The following ZFHX3 variants were observed in gnomAD, a reference collection of about 807,000 sequenced individuals.
ZFHX3 encodes the protein zinc finger homeobox protein 3.
ZFHX3 carries 42 observed loss-of-function variants against 279.1 expected under a neutral mutation model. The observed-to-expected ratio is 0.15, with a 90% confidence interval of 0.12 to 0.19. ZFHX3 has a LOEUF of 0.19. Ranked by LOEUF, ZFHX3 falls within the 10% of genes least tolerant of loss-of-function variation. ZFHX3 has a pLI of 1.00. For synonymous variants in ZFHX3, 2,293 were observed against 1,957.8 expected, an observed-to-expected ratio of 1.17 and a Z score of -4.52; for missense variants, 4,981 against 4,754.0, an observed-to-expected ratio of 1.05 and a Z score of -1.40.
In ZFHX3 at chr16:73,360,490, C is replaced by T. The variant is rs149784564; in HGVS notation, c.-1290-42154G>A. Among the ~76,000 whole-genome samples the T allele has an allele frequency of 2.7e-3, 410 of 152,258 alleles. 3 individuals carry two copies. The highest frequency in any genetic ancestry group is 8.9e-3 in the African/African-American group (370 of 41,550). Reference sequence around the variant, plus strand: ...AGTAGCTGGGATTACAGGTGCCCACCGCTATGCCCAGCTAATTTTTGTATT... The same window carrying T: ...AGTAGCTGGGATTACAGGTGCCCACTGCTATGCCCAGCTAATTTTTGTATT... On this transcript the variant is annotated intron_variant, in intron 3 of 17. Coordinates refer to the ZFHX3 transcript ENST00000641206.
chr16:72,930,192 T>G (rs1456833330), intron 3 of ZFHX3, among the ~76,000 whole-genome samples: 1 of 152,156 alleles, frequency 6.6e-6, no homozygotes, highest in East Asian at 1.9e-4. Context: ...TACTCCAGCT[T>G]GTGTGACAAG....
chr16:73,758,003 A>C (rs2053828139), intron 1 of ZFHX3, among the ~76,000 whole-genome samples: 1 of 152,218 alleles, frequency 6.6e-6, no homozygotes, highest in Non-Finnish European at 1.5e-5. Context: ...CAAATACCCC[A>C]GGTACAAACA....
Position 73,029,987 on chromosome 16 carries a change from T to C in ZFHX3, c.-50+17765A>G, listed in dbSNP as rs200148644. ...TGGGACTCCTCTTTGATCCTCTAAT[T>C]TTCCACAAACTCTTAGGCATGTTTT... is the stretch of plus-strand genomic sequence containing the variant. On this transcript the variant is annotated intron_variant, in intron 1 of 9. Transcript: ENST00000268489. Among the ~76,000 whole-genome samples, 3 of 152,210 alleles carry C rather than the reference T, an allele frequency of 2.0e-5. No homozygotes were observed. The East Asian group carries it at 5.8e-4, about 29-fold the overall frequency.
At chr16:73,107,129 G>A (rs115100655) in intron 7 of ZFHX3, among the ~76,000 whole-genome samples, 32,241 of 151,898 alleles carry the variant, frequency 0.21, 3,659 homozygotes, top group South Asian at 0.28. Flanking sequence ...CCAACATGGC[G>A]AAATGCTGTC....
chr16:73,611,907 C>A (rs895915796), intron 2 of ZFHX3, among the ~76,000 whole-genome samples: 1 of 152,182 alleles, frequency 6.6e-6, no homozygotes, highest in African/African-American at 2.4e-5. Context: ...TACATACACA[C>A]ACACAACTTC....
chr16:73,531,007 G>A (rs563351348), intron 2 of ZFHX3, among the ~76,000 whole-genome samples: 9 of 152,326 alleles, frequency 5.9e-5, no homozygotes, highest in Non-Finnish European at 8.8e-5. Context: ...CGGGAGAGAT[G>A]AAACAGGGGT....
intron 2 of ZFHX3, among the ~76,000 whole-genome samples, chr16:73,549,744 T>C (rs1241215929): frequency 6.6e-6 from 1 of 152,212 alleles, no homozygotes; most frequent in Non-Finnish European, 1.5e-5. Flanking sequence ...AGCTAATGTT[T>C]ATAGGCCAGC....
intron 3 of ZFHX3, among the ~76,000 whole-genome samples, chr16:73,453,878 G>A (rs1248796965): frequency 6.6e-6 from 1 of 152,144 alleles, no homozygotes; most frequent in African/African-American, 2.4e-5. Flanking sequence ...CACCAGAACA[G>A]CACAGAAAAG....
At chr16:73,105,611 G>C (rs1966294534) in intron 7 of ZFHX3, among the ~76,000 whole-genome samples, 1 of 151,730 alleles carries the variant, frequency 6.6e-6, no homozygotes, top group Admixed American at 6.6e-5. Flanking sequence ...AAATCAGCTG[G>C]GCATGGTGGC....
chr16:73,163,584 AG>A (rs1281313201), intron 5 of ZFHX3, among the ~76,000 whole-genome samples: 2 of 152,258 alleles, frequency 1.3e-5, no homozygotes, highest in African/African-American at 4.8e-5. Flanking sequence ...TTATAGAAAA[AG>A]TCTGCTGACT....
In ZFHX3 at chr16:73,293,166, A is replaced by G. The variant is rs373656322; in HGVS notation, c.-1194+25074T>C. ...GTGAGGAGATGGGGATGGGGACAAG[A>G]ATCACATCAGAGGCAGCTGTGAGAA... On this transcript the variant is annotated intron_variant, in intron 4 of 17. Coordinates refer to the ZFHX3 transcript ENST00000641206. 1.4e-4 allele frequency among the ~76,000 whole-genome samples: 21 copies of G among 152,340 alleles called. 1 individual carries two copies. Among genetic ancestry groups the G allele is most frequent in the South Asian group, 1.2e-3 (6 of 4,826 alleles).
chr16:73,841,189 T>C (rs1961297234), intron 1 of ZFHX3, among the ~76,000 whole-genome samples: 2 of 152,198 alleles, frequency 1.3e-5, no homozygotes, highest in Admixed American at 1.3e-4. Context: ...GGGGTGCCCA[T>C]GGCAGAGTCA....
At chr16:73,357,406 C>T (rs971390704) in intron 3 of ZFHX3, among the ~76,000 whole-genome samples, 7 of 150,452 alleles carry the variant, frequency 4.7e-5, no homozygotes, top group African/African-American at 1.5e-4. Context: ...AGCAAACAAA[C>T]GGTGACAGAA....
intron 3 of ZFHX3, among the ~76,000 whole-genome samples, chr16:73,319,686 G>A (rs1217359431): frequency 6.6e-6 from 1 of 152,214 alleles, no homozygotes; most frequent in Admixed American, 6.5e-5. Context: ...GGCTTTGAAA[G>A]TAAGTCTAGT....
intron 2 of ZFHX3, among the ~76,000 whole-genome samples, chr16:73,658,065 A>G (rs370996692): frequency 6.6e-6 from 1 of 152,316 alleles, no homozygotes. Flanking sequence ...ATAAATTTCT[A>G]TTTAGTTTTC....
At chr16:73,034,875 G>GT (rs1964843153) in intron 1 of ZFHX3, among the ~76,000 whole-genome samples, 1 of 152,222 alleles carries the variant, frequency 6.6e-6, no homozygotes, top group African/African-American at 2.4e-5. Context: ...TCATGAGCAT[G>GT]TCGGGGGAGC....
chr16:72,905,438 TC>T (rs1429214008), intron 3 of ZFHX3, among the ~76,000 whole-genome samples: 15 of 152,098 alleles, frequency 9.9e-5, no homozygotes, highest in Non-Finnish European at 2.1e-4. Context: ...TTCTTCTACA[TC>T]CCTAGCTATG....
intron 4 of ZFHX3, among the ~76,000 whole-genome samples, chr16:72,874,198 ATTT>A (rs565664402): frequency 5.3e-5 from 5 of 95,136 alleles, no homozygotes; most frequent in African/African-American, 1.9e-4. Context: ...GGATTTTTTG[ATTT>A]TTTTTTTTTT....
At chr16:73,612,931 AGG>A (rs1314886875) in intron 2 of ZFHX3, among the ~76,000 whole-genome samples, 13 of 152,104 alleles carry the variant, frequency 8.5e-5, no homozygotes. Context: ...GGTTAAAAAA[AGG>A]AGGAGATGAG....
Sources: gnomAD v4.1 joint callset for allele counts (sites outside exome capture counted in the v4.1 genomes callset) on GRCh38, gnomAD v4.1.1 for gene constraint, MANE v1.5 for transcripts, NCBI Gene and HGNC (gene_info 2026-07-23, HGNC 2026-07-21) for gene names.